The following NDC1 variants were observed in gnomAD, a reference collection of about 807,000 sequenced individuals.
The protein encoded by NDC1 is nucleoporin NDC1.
NDC1 carries 24 observed loss-of-function variants against 89.8 expected under a neutral mutation model. The ratio of observed to expected loss-of-function variants is 0.27; its 90% CI spans 0.19 to 0.38. The LOEUF is 0.38. Ranked by LOEUF, NDC1 falls within the 10% of genes least tolerant of loss-of-function variation. NDC1 has a pLI of 1.00. For missense variants in NDC1, 728 were observed against 797.6 expected (o/e 0.91, Z 1.05); for synonymous variants, 296 against 284.8 (o/e 1.04, Z -0.39).
intron 7 of NDC1, among the ~76,000 whole-genome samples, chr1:53,809,430 C>T (rs1042820971): frequency 1.3e-5 from 2 of 152,154 alleles, no homozygotes; most frequent in African/African-American, 4.8e-5. Flanking sequence ...TAGCTCACCG[C>T]ATCCTTGAAC....
chr1:53,807,500 G>T (rs1482482941), intron 8 of NDC1, among the ~76,000 whole-genome samples, 156 bp downstream of exon 8: 1 of 152,020 alleles, frequency 6.6e-6, no homozygotes, highest in Non-Finnish European at 1.5e-5. Context: ...CATAAATGGT[G>T]GTTACAAATG....
chr1:53,781,555 C>G (rs1647207267), intron 16 of NDC1, among the ~76,000 whole-genome samples: 1 of 152,178 alleles, frequency 6.6e-6, no homozygotes, highest in African/African-American at 2.4e-5. Context: ...CCTTCCCTTT[C>G]ACATTTTGCC....
chr1:53,809,570 T>C (rs534930177), intron 7 of NDC1, 125 bp downstream of exon 7: 43 of 663,092 alleles, frequency 6.5e-5, no homozygotes, highest in Non-Finnish European at 1.1e-4. Context: ...ACTATATGTA[T>C]TCAAAAATGA....
At chr1:53,826,079 G>T (rs551291374) in intron 4 of NDC1, 143 bp from the exon 5 acceptor site, 24 of 770,478 alleles carry the variant, frequency 3.1e-5, no homozygotes, top group Middle Eastern at 4.6e-4. Flanking sequence ...CTCGTTTTCA[G>T]TAAGTGTGAA....
chr1:53,789,187 C>T lies in NDC1; in HGVS notation c.1645G>A (p.Ala549Thr). The change falls in exon 15 of 18, where the codon GCC becomes ACC. Residue 549 changes from alanine (A) to threonine (T), a missense_variant. Transcript: ENST00000371429. ...TCTGAAAAAACAGCCTGAATGGAGG[C>T]CTCTGGGTGCTACAAATAAAAACAA... ...IMYFFSKHPEASIQAVFSDAQ... is the reference protein window; with the variant it reads ...IMYFFSKHPETSIQAVFSDAQ... The T allele has an allele frequency of 3.7e-6, 6 of 1,606,298 alleles. No homozygotes were observed. The highest frequency in any genetic ancestry group is 5.1e-6 in the Non-Finnish European group (6 of 1,176,166).
intron 3 of NDC1, among the ~76,000 whole-genome samples, chr1:53,830,907 C>T (rs555872593): frequency 7.7e-4 from 115 of 149,072 alleles, no homozygotes; most frequent in African/African-American, 2.6e-3. Flanking sequence ...ATGATCCTAC[C>T]GCATCTGTTT....
chr1:53,809,804 A>G (rs1648243513), intron 6 of NDC1, 58 bp from the exon 7 acceptor site: 1 of 1,348,302 alleles, frequency 7.4e-7, no homozygotes, highest in Non-Finnish European at 1.1e-6. Flanking sequence ...AGTTTTAGTC[A>G]AGCTTTAGAA....
At position 53,806,413 on chromosome 1, in the gene NDC1, C is replaced by A. The variant is rs1648110866; in HGVS notation, c.984+12G>T. ...GAAAACTGTGTGAAGATATGCAACACAGTTTGGATACCTTTATGATGGGGG... is the reference window on the plus strand; with the variant it reads ...GAAAACTGTGTGAAGATATGCAACAAAGTTTGGATACCTTTATGATGGGGG... On this transcript the variant is annotated intron_variant, in intron 9 of 17. Transcript: ENST00000371429. 1.3e-6 allele frequency: 2 copies of A among 1,496,088 alleles called. No homozygotes were observed. Among genetic ancestry groups the A allele is most frequent in the Middle Eastern group, 1.7e-4 (1 of 5,782 alleles). The allele number at this position is 1,496,088 out of a possible 1,614,324, so 92.7% of individuals were successfully genotyped here.
chr1:53,786,052 G>C (rs1319729647), intron 16 of NDC1, among the ~76,000 whole-genome samples: 2 of 152,130 alleles, frequency 1.3e-5, no homozygotes, highest in Non-Finnish European at 2.9e-5. Flanking sequence ...AGCGTCCCGA[G>C]TAGGTGGGAC....
In NDC1 at chr1:53,824,177, T is replaced by G. The variant is rs113212040; in HGVS notation, c.594+1621A>C. Among the ~76,000 whole-genome samples, 384 of 146,894 alleles carry G rather than the reference T, an allele frequency of 2.6e-3. 2 individuals carry two copies. Among genetic ancestry groups the G allele is most frequent in the African/African-American group, 9.0e-3 (355 of 39,374 alleles). ...TCGAGCCAGGAGGTCAAAGCTGCAGTGAGCGATGATCGTGCTACTGCGCTC... is the reference window on the plus strand; with the variant it reads ...TCGAGCCAGGAGGTCAAAGCTGCAGGGAGCGATGATCGTGCTACTGCGCTC... On this transcript the variant is annotated intron_variant, in intron 5 of 17. Coordinates refer to ENST00000371429, the MANE Select transcript of NDC1 (RefSeq NM_018087.5).
At chr1:53,782,505 G>A (rs1246791406) in intron 16 of NDC1, among the ~76,000 whole-genome samples, 1 of 152,210 alleles carries the variant, frequency 6.6e-6, no homozygotes, top group African/African-American at 2.4e-5. Flanking sequence ...ACGCAAGTCA[G>A]GAGGGAGCTG....
At chr1:53,809,301 G>C (rs952789263) in intron 7 of NDC1, among the ~76,000 whole-genome samples, 7 of 152,292 alleles carry the variant, frequency 4.6e-5, no homozygotes, top group African/African-American at 1.7e-4. Context: ...CTTCTGCGGA[G>C]AACTGGGTGA....
At chr1:53,820,050 T>C (rs1169711707) in intron 5 of NDC1, among the ~76,000 whole-genome samples, 4 of 151,814 alleles carry the variant, frequency 2.6e-5, no homozygotes. Flanking sequence ...AGGTCAGGGG[T>C]TCGTAACCAG....
At chr1:53,792,889 AG>A (rs1647567437) in intron 14 of NDC1, among the ~76,000 whole-genome samples, 2 of 152,266 alleles carry the variant, frequency 1.3e-5, no homozygotes, top group Non-Finnish European at 2.9e-5. Context: ...AGACGCTAGC[AG>A]GACGTGAGCC....
rs111658906 is a variant in NDC1 at position 53,826,071 on chromosome 1, C to G, written c.456-135G>C. 23 of 819,038 alleles carry G rather than the reference C, an allele frequency of 2.8e-5. No individual in the cohort carries two copies. The East Asian group carries it at 6.5e-4, about 23-fold the overall frequency. The allele number at this position is 819,038 out of a possible 1,614,324, so 50.7% of individuals were successfully genotyped here. ...TGTCCCAAATTCTAACAAGATGGCT[C>G]GTTTTCAGTAAGTGTGAACAAGATT... On this transcript the variant is annotated intron_variant, in intron 4 of 17. Transcript: ENST00000371429.
intron 16 of NDC1, among the ~76,000 whole-genome samples, chr1:53,786,313 G>C (rs888831515): frequency 6.6e-6 from 1 of 152,166 alleles, no homozygotes. Context: ...GACATAAAAA[G>C]TACCAAGTAA....
chr1:53,817,280 T>C (rs1415499989), intron 6 of NDC1, among the ~76,000 whole-genome samples: 4 of 152,150 alleles, frequency 2.6e-5, no homozygotes, highest in Admixed American at 2.6e-4. Context: ...AAACTGTGTA[T>C]ATATATATGA....
At chr1:53,802,584 C>T (rs945197872) in intron 10 of NDC1, among the ~76,000 whole-genome samples, 9 of 152,108 alleles carry the variant, frequency 5.9e-5, no homozygotes, top group East Asian at 1.9e-4. Context: ...AAGGCTGAGG[C>T]GAGAGGATCA....
At chr1:53,772,956 C>T (rs1391807703) in intron 16 of NDC1, among the ~76,000 whole-genome samples, 1 of 151,850 alleles carries the variant, frequency 6.6e-6, no homozygotes, top group Non-Finnish European at 1.5e-5. Context: ...TTACCAGGCC[C>T]CCCCCAAAAT....
Sources: allele counts gnomAD v4.1 joint callset (sites outside exome capture counted in the v4.1 genomes callset), GRCh38; gene constraint gnomAD v4.1.1; transcripts MANE v1.5; gene names NCBI Gene and HGNC (gene_info 2026-07-23, HGNC 2026-07-21).